The following TULP4 variants were observed in gnomAD, a reference collection of about 807,000 sequenced individuals.
TULP4 encodes tubby-related protein 4.
A neutral mutation model predicts 129.0 loss-of-function variants in TULP4; 16 were observed. The observed-to-expected ratio is 0.12, with a 90% CI of 0.08 to 0.19. The LOEUF (loss-of-function observed/expected upper bound fraction) is 0.19, where lower values mean the gene tolerates loss of function less well. TULP4 is among the 10% of genes least tolerant of loss of function. TULP4 has a pLI of 1.00. For missense variants in TULP4, 1,842 were observed against 2,059.1 expected, an observed-to-expected ratio of 0.89 and a Z score of 2.04; for synonymous variants, 998 against 854.0, an observed-to-expected ratio of 1.17 and a Z score of -2.94.
intron 1 of TULP4, among the ~76,000 whole-genome samples, chr6:158,320,274 G>A (rs1007309244): frequency 1.3e-5 from 2 of 151,844 alleles, no homozygotes; most frequent in Non-Finnish European, 1.5e-5. Context: ...AGGTGGGCAG[G>A]TATGTCAGGC....
At chr6:158,356,304 A>G (rs1780647598) in intron 1 of TULP4, among the ~76,000 whole-genome samples, 1 of 152,160 alleles carries the variant, frequency 6.6e-6, no homozygotes, top group African/African-American at 2.4e-5. Context: ...AAGGGAGGGA[A>G]ATAAGAGCCT....
intron 1 of TULP4, among the ~76,000 whole-genome samples, chr6:158,350,266 C>G (rs147380137): frequency 4.5e-4 from 2 of 4,426 alleles, no homozygotes; most frequent in Non-Finnish European, 1.0e-3. Context: ...CAGAGGGGCT[C>G]CTCACATCCC....
intron 7 of TULP4, 62 bp downstream of exon 7, chr6:158,480,037 A>AGGGCAGAGACAGGTGAGGG (rs1331969330): frequency 2.2e-6 from 3 of 1,371,130 alleles, no homozygotes; most frequent in Non-Finnish European, 3.0e-6. Flanking sequence ...CCACAGAGCC[A>AGGGCAGAGACAGGTGAGGG]GGGCAGAGAC....
intron 1 of TULP4, chr6:158,242,534 G>A: frequency 1.3e-6 from 1 of 752,008 alleles, no homozygotes; most frequent in South Asian, 1.4e-5. Flanking sequence ...CTGTCTTCAA[G>A]ACATTCTCAA....
intron 12 of TULP4, 103 bp downstream of exon 12, chr6:158,498,915 G>T: frequency 6.9e-7 from 1 of 1,453,070 alleles, no homozygotes. Context: ...CTGCTACCTG[G>T]GTTTGGAAAA....
At chr6:158,350,004 A>C in intron 1 of TULP4, among the ~76,000 whole-genome samples, 1 of 135,210 alleles carries the variant, frequency 7.4e-6, no homozygotes, top group African/African-American at 2.9e-5. Flanking sequence ...GGCGCTCCTC[A>C]CTTCCCAGGC....
chr6:158,457,082 G>C (rs757315499), intron 5 of TULP4, among the ~76,000 whole-genome samples: 4 of 152,060 alleles, frequency 2.6e-5, no homozygotes, highest in Admixed American at 6.6e-5. Context: ...TGTTGGAGAC[G>C]GCACATGGCA....
intron 1 of TULP4, among the ~76,000 whole-genome samples, chr6:158,276,485 A>G (rs1212765556): frequency 7.0e-6 from 1 of 142,962 alleles, no homozygotes; most frequent in Non-Finnish European, 1.5e-5. Context: ...TTTTTTTTTT[A>G]TAGTAGACAT....
At chr6:158,400,621 G>A (rs913791304) in intron 1 of TULP4, among the ~76,000 whole-genome samples, 4 of 152,146 alleles carry the variant, frequency 2.6e-5, no homozygotes, top group African/African-American at 9.7e-5. Flanking sequence ...TAGAAAAAAT[G>A]TCACCTCTGC....
intron 1 of TULP4, among the ~76,000 whole-genome samples, chr6:158,265,007 C>A (rs1046132780): frequency 1.3e-5 from 2 of 152,226 alleles, no homozygotes; most frequent in African/African-American, 2.4e-5. Flanking sequence ...CAACACAGAG[C>A]AGTCAAGTTA....
At chr6:158,420,341 G>A (rs1041773705) in intron 2 of TULP4, among the ~76,000 whole-genome samples, 1 of 152,190 alleles carries the variant, frequency 6.6e-6, no homozygotes, top group Admixed American at 6.5e-5. Context: ...ACAGGCCATA[G>A]CTTGCCAATC....
At chr6:158,273,520 G>A (rs569231238) in intron 1 of TULP4, among the ~76,000 whole-genome samples, 6 of 152,142 alleles carry the variant, frequency 3.9e-5, no homozygotes, top group Admixed American at 1.3e-4. Flanking sequence ...CAAGTGTCCA[G>A]CTATTTACTT....
intron 1 of TULP4, among the ~76,000 whole-genome samples, chr6:158,251,186 T>C (rs1028462311): frequency 6.6e-6 from 1 of 152,222 alleles, no homozygotes; most frequent in African/African-American, 2.4e-5. Flanking sequence ...CCACATAATA[T>C]TATTTTGAGA....
chr6:158,248,332 C>G (rs1778070327), intron 1 of TULP4, among the ~76,000 whole-genome samples: 1 of 151,916 alleles, frequency 6.6e-6, no homozygotes. Context: ...TGCAGTGGCG[C>G]AATCTTGGCT....
At chr6:158,270,609 C>G (rs1264297069) in intron 1 of TULP4, among the ~76,000 whole-genome samples, 2 of 152,176 alleles carry the variant, frequency 1.3e-5, no homozygotes, top group Admixed American at 1.3e-4. Flanking sequence ...TGGCTGCTTT[C>G]CTGGTTTGAC....
chr6:158,328,079 GGTGTGTGTGTGTGTGTGT>G (rs766393090), intron 1 of TULP4, among the ~76,000 whole-genome samples: 8 of 120,582 alleles, frequency 6.6e-5, no homozygotes, highest in African/African-American at 2.2e-4. Flanking sequence ...TCTCAGAGCT[GGTGTGTGTGTGTGTGTGT>G]GTGTGTGTGT....
chr6:158,388,316 G>GTTTTTTTTTTTTTTTTTTTT, intron 1 of TULP4, among the ~76,000 whole-genome samples: 1 of 92,818 alleles, frequency 1.1e-5, no homozygotes, highest in Non-Finnish European at 2.1e-5. Context: ...TAATCTGCTC[G>GTTTTTTTTTTTTTTTTTTTT]TTTTTCTTTT....
rs138133004 is a variant in TULP4, at chr6:158,357,802, C to T, written c.252+43534C>T. Among the ~76,000 whole-genome samples the T allele has an allele frequency of 2.4e-3, 366 of 152,314 alleles. 1 individual carries two copies. Among genetic ancestry groups the T allele is most frequent in the Middle Eastern group, 0.02 (6 of 294 alleles). On this transcript the variant is annotated intron_variant, in intron 1 of 13. Coordinates refer to ENST00000367097, the MANE Select transcript of TULP4 (RefSeq NM_020245.5). Reference sequence around the variant, plus strand: ...TCACTTTCATCTTTGCTGCTGACTTCGCCCTCTCACCTCTTAATTTTTTTT... The same window carrying T: ...TCACTTTCATCTTTGCTGCTGACTTTGCCCTCTCACCTCTTAATTTTTTTT...
At chr6:158,463,014 A>G (rs763035748) in intron 6 of TULP4, among the ~76,000 whole-genome samples, 14 of 152,144 alleles carry the variant, frequency 9.2e-5, no homozygotes, top group Admixed American at 3.3e-4. Flanking sequence ...TCAGCCTCCC[A>G]AAGTGCTGGG....
Sources: allele counts gnomAD v4.1 joint callset (sites outside exome capture counted in the v4.1 genomes callset), GRCh38; gene constraint gnomAD v4.1.1; transcripts MANE v1.5; gene names NCBI Gene and HGNC (gene_info 2026-07-23, HGNC 2026-07-21).